The following P4HA3 variants were observed in gnomAD, a reference collection of about 807,000 sequenced individuals.
P4HA3 encodes the protein prolyl 4-hydroxylase subunit alpha 3.
Under a neutral mutation model 66.7 loss-of-function variants are expected in P4HA3, and 60 were observed. The observed-to-expected ratio is 0.90, with a 90% CI of 0.73 to 1.12. The LOEUF is 1.12. Among genes scored for constraint, P4HA3 ranks in the 50% most tolerant of loss-of-function variants. P4HA3 has a pLI of 0.00. For synonymous variants in P4HA3, 263 were observed against 274.6 expected (o/e 0.96, Z 0.42); for missense variants, 683 against 685.8 (o/e 1.00, Z 0.05).
chr11:74,302,235 T>C (rs1202843676), intron 3 of P4HA3, 134 bp downstream of exon 3: 35 of 879,884 alleles, frequency 4.0e-5, no homozygotes, highest in Non-Finnish European at 5.5e-5. Flanking sequence ...GTTTTCTTTC[T>C]CTGAAAATGG....
chr11:74,265,187 G>C (rs1859970695), downstream of P4HA3, among the ~76,000 whole-genome samples: 1 of 152,202 alleles, frequency 6.6e-6, no homozygotes, highest in African/African-American at 2.4e-5. Flanking sequence ...GAAGAAAAGG[G>C]AGCAGCCTCC....
chr11:74,267,166 T>C lies in P4HA3; in HGVS notation c.*82A>G, dbSNP rs764485750. 5.6e-6 allele frequency: 9 copies of C among 1,601,668 alleles called. No homozygotes were observed. The South Asian group carries it at 1.0e-4, about 18-fold the overall frequency. ...GCCTTCTTCCAGGAGGCTGCTCTGC[T>C]TTCTCCTCTCCTACCCCAGCTTTTG... On this transcript the variant is annotated 3_prime_UTR_variant, in exon 13 of 13. Coordinates refer to ENST00000331597, the MANE Select transcript of P4HA3 (RefSeq NM_182904.5).
At chr11:74,294,664 G>A (rs1318468272) in intron 4 of P4HA3, among the ~76,000 whole-genome samples, 1 of 152,212 alleles carries the variant, frequency 6.6e-6, no homozygotes, top group Non-Finnish European at 1.5e-5. Flanking sequence ...CCTTCTAACA[G>A]ACAGGACCCT....
At chr11:74,254,163 C>T (rs1859776637) in intron 15 of P4HA3, 1 of 153,312 alleles carries the variant, frequency 6.5e-6, no homozygotes, top group Admixed American at 6.5e-5. Context: ...CTGTCCCACT[C>T]CCACATGTCT....
chr11:74,285,997 G>T lies in P4HA3; in HGVS notation c.934-12C>A. 2 of 1,596,706 alleles carry T rather than the reference G, an allele frequency of 1.3e-6. No individual in the cohort carries two copies. The highest frequency in any genetic ancestry group is 8.6e-7 in the Non-Finnish European group (1 of 1,164,510). On this transcript the variant is annotated splice_polypyrimidine_tract_variant and intron_variant, in intron 6 of 12. Coordinates refer to ENST00000331597, the MANE Select transcript of P4HA3 (RefSeq NM_182904.5). ...TGGTAGAGAGTGGGCTGGAAGGAAA[G>T]AATAGGATGAGCATAAGAGAAGAAG... is the stretch of plus-strand genomic sequence containing the variant.
chr11:74,298,748 G>T (rs1163181729), intron 3 of P4HA3, among the ~76,000 whole-genome samples: 1 of 152,172 alleles, frequency 6.6e-6, no homozygotes, highest in Non-Finnish European at 1.5e-5. Context: ...CCTTGAAGAA[G>T]GAAAAGGATA....
intron 4 of P4HA3, among the ~76,000 whole-genome samples, chr11:74,297,115 T>C (rs1427508443): frequency 6.6e-6 from 1 of 151,874 alleles, no homozygotes; most frequent in East Asian, 1.9e-4. Context: ...TTGTTTTTGT[T>C]TTTGTTTTGT....
At chr11:74,308,820 A>T (rs1456625449) in intron 1 of P4HA3, among the ~76,000 whole-genome samples, 1 of 152,248 alleles carries the variant, frequency 6.6e-6, no homozygotes, top group Non-Finnish European at 1.5e-5. Context: ...CAATTGTTAC[A>T]TGCCAGGTAC....
At chr11:74,258,961 C>A (rs966112495) in intron 15 of P4HA3, among the ~76,000 whole-genome samples, 1 of 152,166 alleles carries the variant, frequency 6.6e-6, no homozygotes, top group Non-Finnish European at 1.5e-5. Context: ...CTGGGAATCC[C>A]CACAGGGCGG....
At chr11:74,287,602 C>T (rs551718571) in intron 5 of P4HA3, among the ~76,000 whole-genome samples, 4 of 152,208 alleles carry the variant, frequency 2.6e-5, no homozygotes, top group Admixed American at 1.3e-4. Context: ...CTATTGTTTG[C>T]TAATTATCAG....
chr11:74,284,852 G>A (rs1591109900), intron 7 of P4HA3, among the ~76,000 whole-genome samples: 1 of 152,166 alleles, frequency 6.6e-6, no homozygotes, highest in East Asian at 1.9e-4. Flanking sequence ...CTGCTTCCTA[G>A]TCACTGTCCC....
intron 15 of P4HA3, chr11:74,256,055 ACATCT>A (rs1859823999): frequency 4.4e-6 from 2 of 458,258 alleles, no homozygotes; most frequent in Non-Finnish European, 8.9e-6. Context: ...CACTTGACAC[ACATCT>A]CATTTAATCT....
In P4HA3 at chr11:74,268,304, A is replaced by C. The variant is rs908462292; in HGVS notation, c.1468-63T>G. 2.0e-5 allele frequency: 27 copies of C among 1,341,710 alleles called. 1 individual carries two copies. Among genetic ancestry groups the C allele is most frequent in the Non-Finnish European group, 2.8e-5 (26 of 941,820 alleles). 83.1% of individuals were successfully genotyped at this position (1,341,710 alleles called of 1,614,324 possible). A position where few individuals can be genotyped will look rare whatever the true frequency, so the allele number is the denominator to read the frequency against. ...CAGAACCTCAGTCCTCGGGAAGCAC[A>C]TACTAAGGACAAATGCAGGCATGTC... On this transcript the variant is annotated intron_variant, in intron 11 of 12. Coordinates refer to ENST00000331597, the MANE Select transcript of P4HA3 (RefSeq NM_182904.5).
chr11:74,278,721 C>T (rs192445729), intron 8 of P4HA3, among the ~76,000 whole-genome samples: 1 of 152,270 alleles, frequency 6.6e-6, no homozygotes, highest in Admixed American at 6.5e-5. Context: ...ATGAAAGGCC[C>T]TTAATGTACC....
Position 74,304,424 on chromosome 11 carries a change from G to C in P4HA3, c.201-12C>G. 1.9e-6 allele frequency: 3 copies of C among 1,613,862 alleles called. No homozygotes were observed. Among genetic ancestry groups the C allele is most frequent in the Non-Finnish European group, 2.5e-6 (3 of 1,179,852 alleles). On this transcript the variant is annotated splice_polypyrimidine_tract_variant and intron_variant, in intron 1 of 12. Coordinates refer to ENST00000331597, the MANE Select transcript of P4HA3 (RefSeq NM_182904.5). ...CCTTGTCGTAGAATCTGAAAGAAAG[G>C]AGTAGAATGATCTCACCTCCTGATA...
chr11:74,296,361 ATTTT>A (rs888145192), intron 4 of P4HA3, among the ~76,000 whole-genome samples: 1 of 152,082 alleles, frequency 6.6e-6, no homozygotes, highest in Non-Finnish European at 1.5e-5. Flanking sequence ...AGTTATTAAA[ATTTT>A]TTTTACTAAA....
At chr11:74,302,616 AC>A in intron 2 of P4HA3, 24 bp from the exon 3 acceptor site, 2 of 1,590,032 alleles carry the variant, frequency 1.3e-6, no homozygotes, top group Non-Finnish European at 1.7e-6. Flanking sequence ...AAAAACATCA[AC>A]CCAGCATTCA....
At position 74,285,881 on chromosome 11, in the gene P4HA3, G is replaced by A. The variant is rs138825038; in HGVS notation, c.1038C>T (p.Pro346=). The A allele has an allele frequency of 3.7e-6, 6 of 1,613,860 alleles. No individual in the cohort carries two copies. In the African/African-American group the frequency reaches 8.0e-5, roughly 22 times the overall value. Residue 346 remains proline, a synonymous_variant, in exon 7 of 13, where the codon CCC becomes CCT. Coordinates refer to ENST00000331597, the MANE Select transcript of P4HA3 (RefSeq NM_182904.5). ...PIRKEVIHLE[P]YIALYHDFVS... is the part of the protein sequence containing the mutation. ...CGAAGTCATGGTAGAGAGCAATGTA[G>A]GGCTCCAGGTGGATGACCTCCTTCC...
chr11:74,259,940 G>C (rs1859882229), exon 15 of P4HA3: 1 of 152,172 alleles, frequency 6.6e-6, no homozygotes, highest in Non-Finnish European at 1.5e-5. Flanking sequence ...TGGAATAACT[G>C]GGTCAGATGA....
Sources: allele counts gnomAD v4.1 joint callset (sites outside exome capture counted in the v4.1 genomes callset), GRCh38; gene constraint gnomAD v4.1.1; transcripts MANE v1.5; gene names NCBI Gene and HGNC (gene_info 2026-07-23, HGNC 2026-07-21).